PKHD1: variants seen among roughly 807,000 people sequenced by gnomAD.
PKHD1 encodes the protein fibrocystin.
A neutral mutation model predicts 412.0 loss-of-function variants in PKHD1; 291 were observed. That is an observed-to-expected ratio of 0.71 (90% CI 0.64 to 0.78). The LOEUF (loss-of-function observed/expected upper bound fraction) is 0.78, where lower values mean the gene tolerates loss of function less well. Ranked by LOEUF, PKHD1 falls within the 30% of genes least tolerant of loss-of-function variation. The pLI is 0.00. For missense variants in PKHD1, 4,825 were observed against 4,950.7 expected (o/e 0.97, Z 0.76); for synonymous variants, 1,777 against 1,821.5 (o/e 0.98, Z 0.62).
At chr6:51,988,301 A>G (rs1039502671) in intron 35 of PKHD1, among the ~76,000 whole-genome samples, 2 of 152,236 alleles carry the variant, frequency 1.3e-5, no homozygotes, top group African/African-American at 4.8e-5. Flanking sequence ...TCAATATATA[A>G]GACAAATTCT....
At chr6:51,629,258 G>A (rs141172725) in intron 65 of PKHD1, among the ~76,000 whole-genome samples, 6,513 of 152,020 alleles carry the variant, frequency 0.043, 236 homozygotes, top group African/African-American at 0.093. Flanking sequence ...AAAAGAAACT[G>A]TCAACAGAGT....
chr6:51,889,250 G>C (rs955611696), intron 43 of PKHD1, among the ~76,000 whole-genome samples: 3 of 152,082 alleles, frequency 2.0e-5, no homozygotes, highest in Non-Finnish European at 4.4e-5. Flanking sequence ...ACTGGCATTA[G>C]GGTCACAGTA....
intron 60 of PKHD1, among the ~76,000 whole-genome samples, chr6:51,705,528 T>TA (rs1779916387): frequency 1.3e-5 from 2 of 152,088 alleles, no homozygotes; most frequent in Non-Finnish European, 2.9e-5. Context: ...ACTGCACAAG[T>TA]AGAGACCCTG....
intron 54 of PKHD1, among the ~76,000 whole-genome samples, chr6:51,773,176 C>T (rs1790436834): frequency 6.6e-6 from 1 of 151,770 alleles, no homozygotes; most frequent in African/African-American, 2.4e-5. Context: ...ACTAGGTTCT[C>T]CAAAAGCATG....
At chr6:51,941,249 T>A (rs1256131153) in intron 36 of PKHD1, among the ~76,000 whole-genome samples, 1 of 122,102 alleles carries the variant, frequency 8.2e-6, no homozygotes, top group Non-Finnish European at 1.7e-5. Context: ...TTTTTTTTTT[T>A]TTTTTTTTTT....
At chr6:51,994,583 G>GC (rs778613999) in intron 35 of PKHD1, among the ~76,000 whole-genome samples, 72 of 152,080 alleles carry the variant, frequency 4.7e-4, no homozygotes, top group Non-Finnish European at 6.8e-4. Context: ...GTTGTTGTTT[G>GC]TTTTTTTCCT....
chr6:51,964,924 T>C (rs1792591009), intron 35 of PKHD1, among the ~76,000 whole-genome samples: 1 of 152,134 alleles, frequency 6.6e-6, no homozygotes, highest in African/African-American at 2.4e-5. Flanking sequence ...TTACAATTTA[T>C]GTTGATGGAA....
chr6:51,804,986 C>T (rs72895884), intron 52 of PKHD1, among the ~76,000 whole-genome samples: 10,803 of 152,134 alleles, frequency 0.071, 531 homozygotes, highest in Non-Finnish European at 0.1. Flanking sequence ...TCTCAAAGAA[C>T]TAAAAATAGA....
At chr6:51,887,499 G>C (rs897302452) in intron 43 of PKHD1, among the ~76,000 whole-genome samples, 3 of 152,148 alleles carry the variant, frequency 2.0e-5, no homozygotes, top group Non-Finnish European at 4.4e-5. Context: ...GGCCTGGTGG[G>C]AGGTGACTGG....
intron 48 of PKHD1, among the ~76,000 whole-genome samples, chr6:51,858,257 T>C (rs967105669): frequency 9.2e-5 from 14 of 152,214 alleles, no homozygotes; most frequent in Admixed American, 8.5e-4. Flanking sequence ...AGCTTTAGAA[T>C]GTTAAATTTC....
chr6:51,762,394 TA>T (rs1788163894), intron 55 of PKHD1, among the ~76,000 whole-genome samples: 1 of 152,138 alleles, frequency 6.6e-6, no homozygotes, highest in African/African-American at 2.4e-5. Context: ...TTTTTGTGTC[TA>T]AATCTAACTT....
At chr6:51,735,121 GT>G (rs1425583389) in intron 60 of PKHD1, among the ~76,000 whole-genome samples, 3 of 152,182 alleles carry the variant, frequency 2.0e-5, no homozygotes, top group Non-Finnish European at 4.4e-5. Flanking sequence ...ACCAAGTAAA[GT>G]AAAAATATGT....
rs568738540 is a variant in PKHD1, at chr6:51,936,442, T to C, written c.5909-2120A>G. Among the ~76,000 whole-genome samples, 7 of 152,304 alleles carry C rather than the reference T, an allele frequency of 4.6e-5. No homozygotes were observed. The East Asian group carries it at 1.2e-3, about 25-fold the overall frequency. ...GGCAAAGACTCTTCATCTGCTAATG[T>C]AGTCATAAATCCAGAGTGCCAAGTT... On this transcript the variant is annotated intron_variant, in intron 36 of 66. Transcript: ENST00000371117.
At chr6:51,982,203 G>T (rs1431555986) in intron 35 of PKHD1, among the ~76,000 whole-genome samples, 2 of 31,540 alleles carry the variant, frequency 6.3e-5, no homozygotes, top group South Asian at 1.1e-3. Flanking sequence ...TCAGCCCCCC[G>T]CCCGGCCAGC....
At chr6:51,690,668 G>A (rs374520956) in intron 60 of PKHD1, among the ~76,000 whole-genome samples, 3 of 152,220 alleles carry the variant, frequency 2.0e-5, no homozygotes, top group African/African-American at 7.2e-5. Context: ...ATTAACTCAA[G>A]ATGGACTAAA....
rs774440496 is a variant in PKHD1 at position 52,058,314 on chromosome 6, G to C, written c.1512+9C>G. 29 of 1,613,800 alleles carry C rather than the reference G, an allele frequency of 1.8e-5. No individual in the cohort carries two copies. In the African/African-American group the frequency reaches 3.7e-4, roughly 21 times the overall value. ...GTTCAGCTCCATGGGACTGGAAAGA[G>C]ACACAGACCTGTACTTCTGGAAGCC... On this transcript the variant is annotated intron_variant, in intron 16 of 66. Transcript: ENST00000371117.
intron 63 of PKHD1, among the ~76,000 whole-genome samples, chr6:51,641,647 G>C (rs540966684): frequency 6.6e-6 from 1 of 152,280 alleles, no homozygotes; most frequent in African/African-American, 2.4e-5. Context: ...CAACACAAAT[G>C]CCCATCAATG....
intron 52 of PKHD1, among the ~76,000 whole-genome samples, chr6:51,808,503 A>G (rs9395726): frequency 0.57 from 85,637 of 151,402 alleles, 24,554 homozygotes; most frequent in East Asian, 0.77. Flanking sequence ...CAAATTAAAA[A>G]AGAATCTCTC....
intron 35 of PKHD1, among the ~76,000 whole-genome samples, chr6:51,997,505 A>G (rs1797846933): frequency 1.3e-5 from 2 of 152,276 alleles, no homozygotes; most frequent in African/African-American, 4.8e-5. Context: ...TAAACAGATT[A>G]TAGAGAGCTA....
Sources: allele counts gnomAD v4.1 joint callset (sites outside exome capture counted in the v4.1 genomes callset), GRCh38; gene constraint gnomAD v4.1.1; transcripts MANE v1.5; gene names NCBI Gene and HGNC (gene_info 2026-07-23, HGNC 2026-07-21).